UBE2V2: variants seen among roughly 807,000 people sequenced by gnomAD.
UBE2V2 encodes the protein ubiquitin conjugating enzyme E2 V2.
A neutral mutation model predicts 17.2 loss-of-function variants in UBE2V2; 9 were observed. The ratio of observed to expected loss-of-function variants is 0.52; its 90% CI spans 0.32 to 0.91. The LOEUF is 0.91. UBE2V2 is among the 40% of genes least tolerant of loss of function. The probability of loss-of-function intolerance (pLI) is 0.04; values close to 1 mark genes in which losing one functional copy is unlikely to be tolerated. For synonymous variants in UBE2V2, 61 were observed against 57.5 expected (o/e 1.06, Z -0.28); for missense variants, 133 against 182.6 (o/e 0.73, Z 1.56).
chr8:48,051,252 T>G (rs957058711), intron 3 of UBE2V2, among the ~76,000 whole-genome samples: 3 of 152,168 alleles, frequency 2.0e-5, no homozygotes, highest in Admixed American at 1.3e-4. Flanking sequence ...TCATGATAAG[T>G]CTTTGAAGCC....
Position 48,064,638 on chromosome 8 carries a change from T to C in UBE2V2, c.*3810T>C, listed in dbSNP as rs1802636417. 1 of 152,098 alleles carries C rather than the reference T, an allele frequency of 6.6e-6. No individual in the cohort carries two copies. The highest frequency in any genetic ancestry group is 2.4e-5 in the African/African-American group (1 of 41,428). 9.4% of individuals were successfully genotyped at this position (152,098 alleles called of 1,614,324 possible). A position where few individuals can be genotyped will look rare whatever the true frequency, so the allele number is the denominator to read the frequency against. On this transcript the variant is annotated 3_prime_UTR_variant, in exon 4 of 4. Transcript: ENST00000523111. ...TCTGAAGAGAAAATTAATGAAGGTA[T>C]TTAATGATATAGGAAATAAGTGACA...
intron 3 of UBE2V2, among the ~76,000 whole-genome samples, chr8:48,051,762 A>T (rs1404522548): frequency 6.6e-6 from 1 of 152,256 alleles, no homozygotes; most frequent in East Asian, 1.9e-4. Flanking sequence ...GCGGGGCCCC[A>T]GATTGGCTGG....
intron 1 of UBE2V2, chr8:48,035,162 C>T (rs2091413827): frequency 1.0e-6 from 1 of 957,070 alleles, no homozygotes; most frequent in Admixed American, 8.5e-5. Context: ...GTCGCCGAGG[C>T]TGTAGTGCAG....
intron 1 of UBE2V2, among the ~76,000 whole-genome samples, chr8:48,020,971 T>A (rs2091300712): frequency 1.3e-5 from 2 of 151,602 alleles, no homozygotes; most frequent in Admixed American, 1.3e-4. Context: ...AGCTTTGAAC[T>A]CCTGGCCTCA....
upstream of UBE2V2, among the ~76,000 whole-genome samples, chr8:48,004,224 A>G (rs535647941): frequency 6.6e-6 from 1 of 152,226 alleles, no homozygotes; most frequent in Non-Finnish European, 1.5e-5. Context: ...CAGTAAGGAC[A>G]TAATAAATGT....
intron 1 of UBE2V2, among the ~76,000 whole-genome samples, chr8:48,028,947 C>T (rs534102369): frequency 1.3e-5 from 2 of 151,968 alleles, no homozygotes; most frequent in Non-Finnish European, 2.9e-5. Context: ...CCTTTGGAAC[C>T]CAAAAGTTTA....
Position 48,043,025 on chromosome 8 carries a change from T to G in UBE2V2, c.17-8T>G. Reference sequence around the variant, plus strand: ...TTTTTACATTTACACTGACGTTCTTTTGTATAGGAGTTAAAGTTCCTCGTA... The same window carrying G: ...TTTTTACATTTACACTGACGTTCTTGTGTATAGGAGTTAAAGTTCCTCGTA... On this transcript the variant is annotated splice_polypyrimidine_tract_variant and splice_region_variant and intron_variant, in intron 1 of 3. Transcript: ENST00000523111. 1 of 1,506,482 alleles carries G rather than the reference T, an allele frequency of 6.6e-7. No individual in the cohort carries two copies. Among genetic ancestry groups the G allele is most frequent in the Non-Finnish European group, 8.9e-7 (1 of 1,123,380 alleles). The allele number at this position is 1,506,482 out of a possible 1,614,324, so 93.3% of individuals were successfully genotyped here.
In UBE2V2 at chr8:48,061,984, A is replaced by G. The variant is rs1802602304; in HGVS notation, c.*1156A>G. On this transcript the variant is annotated 3_prime_UTR_variant, in exon 4 of 4. Transcript: ENST00000523111. ...TTTTCTCTTCCAATTAGGGCTTTTA[A>G]TACTAACAAGGATAACTTTATTCAT... 1.3e-5 allele frequency: 2 copies of G among 152,202 alleles called. No homozygotes were observed. Among genetic ancestry groups the G allele is most frequent in the Admixed American group, 1.3e-4 (2 of 15,274 alleles). 9.4% of individuals were successfully genotyped at this position (152,202 alleles called of 1,614,324 possible).
chr8:48,032,738 G>A (rs2154507368), intron 1 of UBE2V2, among the ~76,000 whole-genome samples: 1 of 152,134 alleles, frequency 6.6e-6, no homozygotes, highest in African/African-American at 2.4e-5. Context: ...AAACAAACAC[G>A]CAGACACACA....
chr8:48,008,369 G>A (rs1223460530), upstream of UBE2V2: 1 of 1,510,990 alleles, frequency 6.6e-7, no homozygotes, highest in African/African-American at 1.4e-5. Context: ...AGTCCGCTGT[G>A]ACGCGTGCAG....
chr8:48,026,556 T>C (rs1220592951), intron 1 of UBE2V2, among the ~76,000 whole-genome samples: 2 of 152,226 alleles, frequency 1.3e-5, no homozygotes, highest in East Asian at 3.8e-4. Context: ...AAAGAAACTC[T>C]GTACCCTTTA....
rs1387072086 is a variant in UBE2V2 at position 48,061,411 on chromosome 8, A to G, written c.*583A>G. 6.6e-6 allele frequency: 1 copy of G among 152,660 alleles called. No individual in the cohort carries two copies. The highest frequency in any genetic ancestry group is 1.5e-5 in the Non-Finnish European group (1 of 68,036). 9.5% of individuals were successfully genotyped at this position (152,660 alleles called of 1,614,324 possible). A position where few individuals can be genotyped will look rare whatever the true frequency, so the allele number is the denominator to read the frequency against. ...GTTAAAAGCTGTTCTTGTGTGTTAC[A>G]TGTAACAGACATGGTAAATATTTGT... On this transcript the variant is annotated 3_prime_UTR_variant, in exon 4 of 4. Transcript: ENST00000523111.
intron 1 of UBE2V2, 196 bp from the exon 2 acceptor site, chr8:48,042,837 A>G (rs1563856961): frequency 2.3e-6 from 1 of 442,826 alleles, no homozygotes; most frequent in South Asian, 7.1e-5. Flanking sequence ...AATGTTTGGT[A>G]CAGTGCTTTC....
chr8:48,049,951 G>T lies in UBE2V2; in HGVS notation c.264G>T (p.Met88Ile). The T allele has an allele frequency of 6.4e-7, 1 of 1,568,756 alleles. No homozygotes were observed. Among genetic ancestry groups the T allele is most frequent in the South Asian group, 1.2e-5 (1 of 83,870 alleles). ...PSVRFVTKIN[M>I]NGINNSSGMV... ...TTAGATTTGTAACAAAAATTAATATGAACGGAATAAATAATTCCAGTGGGA... is the reference window on the plus strand; with the variant it reads ...TTAGATTTGTAACAAAAATTAATATTAACGGAATAAATAATTCCAGTGGGA... The change falls in exon 3 of 4, where the codon ATG becomes ATT. Residue 88 changes from methionine (M) to isoleucine (I), a missense_variant. Met to Ile is a conservative substitution (Grantham distance 10, BLOSUM62 1). This residue lies in a region of UBE2V2 where 92 missense variants were observed against 124.3 expected (regional missense o/e 0.74). Coordinates refer to ENST00000523111, the MANE Select transcript of UBE2V2 (RefSeq NM_003350.3).
At chr8:48,015,420 T>C (rs1589849753) in intron 1 of UBE2V2, among the ~76,000 whole-genome samples, 1 of 152,254 alleles carries the variant, frequency 6.6e-6, no homozygotes, top group East Asian at 1.9e-4. Flanking sequence ...TGTTTTGAAG[T>C]ACATTATCTG....
chr8:48,014,197 C>G (rs2091252148), intron 1 of UBE2V2, among the ~76,000 whole-genome samples: 1 of 152,130 alleles, frequency 6.6e-6, no homozygotes, highest in South Asian at 2.1e-4. Context: ...ATGGTACAAC[C>G]TCACTGTACA....
intron 1 of UBE2V2, among the ~76,000 whole-genome samples, chr8:48,022,506 T>A (rs1243632816): frequency 6.6e-6 from 1 of 152,200 alleles, no homozygotes; most frequent in Non-Finnish European, 1.5e-5. Context: ...TCTTTTAACC[T>A]TCCTACTAAA....
intron 1 of UBE2V2, among the ~76,000 whole-genome samples, chr8:48,030,096 A>C (rs1276235027): frequency 1.3e-5 from 2 of 152,230 alleles, no homozygotes; most frequent in Non-Finnish European, 2.9e-5. Flanking sequence ...AATGTGAAGT[A>C]ACTGCTACAT....
At chr8:48,001,056 A>G in the UBE2V2 span, among the ~76,000 whole-genome samples, 1 of 152,134 alleles carries the variant, frequency 6.6e-6, no homozygotes, top group Non-Finnish European at 1.5e-5. Flanking sequence ...CCTTTCAAAT[A>G]CAAACCAACC....
Sources: allele counts gnomAD v4.1 joint callset (sites outside exome capture counted in the v4.1 genomes callset), GRCh38; gene constraint gnomAD v4.1.1; regional missense constraint gnomAD v4.1.1; transcripts MANE v1.5; gene names NCBI Gene and HGNC (gene_info 2026-07-23, HGNC 2026-07-21).